Variants in ATF7IP observed in about 807,000 individuals in gnomAD.
ATF7IP encodes activating transcription factor 7-interacting protein 1.
A neutral mutation model predicts 106.4 loss-of-function variants in ATF7IP; 23 were observed. The ratio of observed to expected loss-of-function variants is 0.22; its 90% CI spans 0.16 to 0.31. The LOEUF is 0.31. Among genes scored for constraint, ATF7IP ranks in the 10% least tolerant of loss-of-function variants. The pLI is 1.00. For missense variants in ATF7IP, 1,334 were observed against 1,524.3 expected, an observed-to-expected ratio of 0.88 and a Z score of 2.08; for synonymous variants, 542 against 539.0, an observed-to-expected ratio of 1.01 and a Z score of -0.08.
At chr12:14,398,271 A>G (rs1229359616) in intron 1 of ATF7IP, among the ~76,000 whole-genome samples, 2 of 151,754 alleles carry the variant, frequency 1.3e-5, no homozygotes, top group Non-Finnish European at 2.9e-5. Context: ...TTTTGTTAAT[A>G]TATGCATTTA....
chr12:14,432,050 G>T (rs71459154), intron 2 of ATF7IP, among the ~76,000 whole-genome samples: 1 of 152,146 alleles, frequency 6.6e-6, no homozygotes, highest in Non-Finnish European at 1.5e-5. Flanking sequence ...GTGATAGGAG[G>T]AGGTTTTTGA....
intron 9 of ATF7IP, among the ~76,000 whole-genome samples, chr12:14,463,742 G>C (rs1351726883): frequency 6.6e-6 from 1 of 152,242 alleles, no homozygotes; most frequent in East Asian, 1.9e-4. Context: ...GAGGCTGGAG[G>C]CTCTTGTACT....
intron 1 of ATF7IP, among the ~76,000 whole-genome samples, chr12:14,372,183 G>T (rs1938559556): frequency 6.6e-6 from 1 of 151,980 alleles, no homozygotes; most frequent in African/African-American, 2.4e-5. Flanking sequence ...TTCTCAGATT[G>T]TCCTGCCATC....
intron 1 of ATF7IP, among the ~76,000 whole-genome samples, chr12:14,388,009 T>C (rs1939332934): frequency 7.2e-6 from 1 of 138,450 alleles, no homozygotes. Context: ...TTCCTTTCAT[T>C]CTTTCTTTTT....
intron 1 of ATF7IP, among the ~76,000 whole-genome samples, chr12:14,397,127 A>T (rs1404053310): frequency 1.3e-5 from 2 of 152,192 alleles, no homozygotes; most frequent in Non-Finnish European, 2.9e-5. Flanking sequence ...GCACCATTGC[A>T]CTCCAGCTTG....
chr12:14,484,541 C>G (rs766231309), intron 13 of ATF7IP, among the ~76,000 whole-genome samples: 8 of 152,166 alleles, frequency 5.3e-5, no homozygotes, highest in Non-Finnish European at 1.0e-4. Context: ...TTCCCTTCAC[C>G]GATGTCCTTC....
At chr12:14,407,585 A>G (rs144717668) in intron 1 of ATF7IP, among the ~76,000 whole-genome samples, 107 of 152,290 alleles carry the variant, frequency 7.0e-4, no homozygotes, top group African/African-American at 1.8e-3. Context: ...AGAATGATGA[A>G]ATGCATTCTG....
rs141145293 is a variant in ATF7IP, at chr12:14,424,813, G to C, written c.898G>C (p.Val300Leu). The C allele has an allele frequency of 3.3e-5, 53 of 1,614,086 alleles. No homozygotes were observed. The African/African-American group carries it at 6.3e-4, about 19-fold the overall frequency. The change falls in exon 2 of 15, where the codon GTT becomes CTT. Residue 300 changes from valine (V) to leucine (L), a missense_variant. Physicochemically the swap from Val to Leu is conservative, Grantham distance 32. Transcript: ENST00000261168. ...EPKSVPVCEP[V>L]PEIDNIEPSS... ...AAAGTCTGTACCAGTTTGTGAACCA[G>C]TTCCTGAAATTGACAATATAGAACC...
At chr12:14,368,957 T>C (rs543136903) in intron 1 of ATF7IP, among the ~76,000 whole-genome samples, 182 of 142,470 alleles carry the variant, frequency 1.3e-3, no homozygotes, top group Non-Finnish European at 1.6e-3. Flanking sequence ...ACTGCCCCCC[T>C]TTTTTTTTTT....
chr12:14,373,322 T>C (rs1272229790), intron 1 of ATF7IP, among the ~76,000 whole-genome samples: 1 of 152,216 alleles, frequency 6.6e-6, no homozygotes, highest in African/African-American at 2.4e-5. Flanking sequence ...TTTTCTCATG[T>C]AACCATACAA....
intron 1 of ATF7IP, among the ~76,000 whole-genome samples, chr12:14,404,104 G>A (rs987543105): frequency 6.7e-6 from 1 of 149,350 alleles, no homozygotes; most frequent in African/African-American, 2.5e-5. Context: ...AGACAATATG[G>A]GCATCTTTGT....
chr12:14,485,511 C>T lies in ATF7IP; in HGVS notation c.3280+4326C>T, dbSNP rs144225095. Among the ~76,000 whole-genome samples the T allele has an allele frequency of 1.7e-4, 26 of 152,216 alleles. No individual in the cohort carries two copies. The East Asian group carries it at 5.0e-3, about 29-fold the overall frequency. ...TTTTGCTACTTCTTGCTCACTTGAT[C>T]CAATCAGAATAGTGTCATCAGTGTA... On this transcript the variant is annotated intron_variant, in intron 13 of 14. Coordinates refer to ENST00000261168, the MANE Select transcript of ATF7IP (RefSeq NM_018179.5).
At chr12:14,382,028 A>G (rs183359999) in intron 1 of ATF7IP, among the ~76,000 whole-genome samples, 6 of 152,272 alleles carry the variant, frequency 3.9e-5, no homozygotes, top group Middle Eastern at 3.4e-3. Context: ...GTGAGACATT[A>G]TCTCTACAGA....
intron 6 of ATF7IP, among the ~76,000 whole-genome samples, chr12:14,456,152 T>C (rs1943416634): frequency 6.6e-6 from 1 of 152,206 alleles, no homozygotes; most frequent in South Asian, 2.1e-4. Context: ...GAATTGGTGG[T>C]GCTAATATGA....
chr12:14,411,265 A>G (rs1482619737), intron 1 of ATF7IP, among the ~76,000 whole-genome samples: 1 of 152,134 alleles, frequency 6.6e-6, no homozygotes, highest in Non-Finnish European at 1.5e-5. Flanking sequence ...GTTCCAATTT[A>G]TCCATATCAT....
chr12:14,391,991 G>T (rs1328915987), intron 1 of ATF7IP, among the ~76,000 whole-genome samples: 2 of 152,202 alleles, frequency 1.3e-5, no homozygotes, highest in Non-Finnish European at 2.9e-5. Flanking sequence ...AAAGTGCTGG[G>T]ATTACAGGTG....
intron 5 of ATF7IP, among the ~76,000 whole-genome samples, chr12:14,439,015 TGTTA>T (rs1385326522): frequency 6.6e-6 from 1 of 152,250 alleles, no homozygotes; most frequent in Non-Finnish European, 1.5e-5. Flanking sequence ...GTTTTAAAGA[TGTTA>T]GTTTAATAAC....
Position 14,385,182 on chromosome 12 carries a change from A to G in ATF7IP, c.-8+19355A>G, listed in dbSNP as rs139451512. On this transcript the variant is annotated intron_variant, in intron 1 of 14. Coordinates refer to ENST00000261168, the MANE Select transcript of ATF7IP (RefSeq NM_018179.5). ...TATGCATTAGCTGTTGTCTATGTTC[A>G]GTTTCCTGCAGGCTGACAAAGTGGG... is the stretch of plus-strand genomic sequence containing the variant. 821 of 492,070 alleles carry G rather than the reference A, an allele frequency of 1.7e-3. 2 individuals carry two copies. The highest frequency in any genetic ancestry group is 2.3e-3 in the Non-Finnish European group (636 of 276,670). The allele number at this position is 492,070 out of a possible 1,614,324, so 30.5% of individuals were successfully genotyped here.
chr12:14,370,197 A>G lies in ATF7IP; in HGVS notation c.-8+4370A>G, dbSNP rs7308058. Among the ~76,000 whole-genome samples, 198 of 152,240 alleles carry G rather than the reference A, an allele frequency of 1.3e-3. 1 individual carries two copies. Among genetic ancestry groups the G allele is most frequent in the African/African-American group, 3.2e-3 (132 of 41,556 alleles). ...GTGATCCGTCTGCCTCGGCCTACCA[A>G]AGTGCTGGGAGTACAAGTGTGAGCC... is the stretch of plus-strand genomic sequence containing the variant. On this transcript the variant is annotated intron_variant, in intron 1 of 14. Coordinates refer to ENST00000261168, the MANE Select transcript of ATF7IP (RefSeq NM_018179.5).
Sources: allele counts gnomAD v4.1 joint callset (sites outside exome capture counted in the v4.1 genomes callset), GRCh38; gene constraint gnomAD v4.1.1; transcripts MANE v1.5; gene names NCBI Gene and HGNC (gene_info 2026-07-23, HGNC 2026-07-21).